Variants in POSTN observed in about 807,000 individuals in gnomAD.
POSTN encodes the protein osteoblast specific factor 2 (fasciclin I-like).
In POSTN, 71 loss-of-function variants were observed where a neutral mutation model predicts 104.5. The ratio of observed to expected loss-of-function variants is 0.68; its 90% CI spans 0.56 to 0.83. The LOEUF is 0.83. Among genes scored for constraint, POSTN ranks in the 40% least tolerant of loss-of-function variants. POSTN has a pLI of 0.00. For missense variants in POSTN, 949 were observed against 1,006.8 expected (o/e 0.94, Z 0.78); for synonymous variants, 355 against 340.7 (o/e 1.04, Z -0.46).
chr13:37,586,685 T>C (rs1593352425), intron 6 of POSTN, 97 bp downstream of exon 6: 1 of 1,244,980 alleles, frequency 8.0e-7, no homozygotes, highest in Non-Finnish European at 1.1e-6. Context: ...ATGTGTTACA[T>C]TTTTGCCAGA....
intron 15 of POSTN, among the ~76,000 whole-genome samples, 181 bp downstream of exon 15, chr13:37,578,663 G>A (rs953889044): frequency 1.3e-5 from 2 of 151,802 alleles, no homozygotes; most frequent in Non-Finnish European, 2.9e-5. Context: ...GCTGGGTGTG[G>A]TGGTGGGCGC....
chr13:37,580,376 A>G (rs901520228), intron 11 of POSTN, among the ~76,000 whole-genome samples, 185 bp downstream of exon 11: 2 of 152,256 alleles, frequency 1.3e-5, no homozygotes, highest in African/African-American at 4.8e-5. Context: ...ATGAAATCAT[A>G]TAACGGTGTA....
At chr13:37,577,640 G>A (rs890631882) in intron 16 of POSTN, 113 bp downstream of exon 16, 4 of 1,423,428 alleles carry the variant, frequency 2.8e-6, no homozygotes, top group Non-Finnish European at 2.8e-6. Flanking sequence ...ATTGGCCATA[G>A]TTTGGAATTC....
At chr13:37,564,376 T>G in intron 22 of POSTN, 143 bp downstream of exon 22, 1 of 556,376 alleles carries the variant, frequency 1.8e-6, no homozygotes. Context: ...TTATCAAAAT[T>G]GTTTTCATCA....
chr13:37,575,315 G>C (rs180673139), intron 16 of POSTN, among the ~76,000 whole-genome samples: 5 of 149,094 alleles, frequency 3.4e-5, no homozygotes, highest in Non-Finnish European at 7.4e-5. Context: ...TATTTTAAAC[G>C]TGTGTCGTCT....
At chr13:37,579,808 G>T in intron 12 of POSTN, 53 bp downstream of exon 12, 3 of 1,572,564 alleles carry the variant, frequency 1.9e-6, no homozygotes, top group Non-Finnish European at 2.6e-6. Flanking sequence ...GCTTGAGAAA[G>T]AAGTGAGATC....
Position 37,563,261 on chromosome 13 carries a change from G to T in POSTN, c.*72C>A. The T allele has an allele frequency of 6.1e-6, 6 of 980,986 alleles. No individual in the cohort carries two copies. Among genetic ancestry groups the T allele is most frequent in the Non-Finnish European group, 9.2e-6 (6 of 650,012 alleles). 60.8% of individuals were successfully genotyped at this position (980,986 alleles called of 1,614,324 possible). A position where few individuals can be genotyped will look rare whatever the true frequency, so the allele number is the denominator to read the frequency against. ...TGTTTCAGTTCCTGAAGTCAACTTG[G>T]CTCTCACAATTTTCTAAGGTCAGGT... On this transcript the variant is annotated 3_prime_UTR_variant, in exon 23 of 23. Coordinates refer to ENST00000379747, the MANE Select transcript of POSTN (RefSeq NM_006475.3).
intron 9 of POSTN, among the ~76,000 whole-genome samples, chr13:37,583,164 T>C (rs1950646241): frequency 1.3e-5 from 2 of 152,154 alleles, no homozygotes; most frequent in African/African-American, 2.4e-5. Flanking sequence ...AATCTGAACA[T>C]GGTCTGTGAA....
In POSTN at chr13:37,592,599, A is replaced by AT. The variant is rs568432843; in HGVS notation, c.219-436dup. 1.2e-4 allele frequency among the ~76,000 whole-genome samples: 19 copies of AT among 152,002 alleles called. No individual in the cohort carries two copies. The South Asian group carries it at 3.9e-3, about 32-fold the overall frequency. On this transcript the variant is annotated intron_variant, in intron 2 of 22. Transcript: ENST00000379747. ...AGGCATGAGCCACTGCGCCCGGCCG[A>AT]TTTTTTCTATATTTCTATGAGTTTG...
chr13:37,591,460 T>G (rs931143079), intron 3 of POSTN, among the ~76,000 whole-genome samples: 4 of 152,152 alleles, frequency 2.6e-5, no homozygotes, highest in African/African-American at 7.2e-5. Flanking sequence ...TAAATATCAG[T>G]CTAGGTTTGT....
At position 37,577,805 on chromosome 13, in the gene POSTN, A is replaced by G; in HGVS notation, c.1963-7T>C. The G allele has an allele frequency of 6.2e-7, 1 of 1,613,536 alleles. No individual in the cohort carries two copies. The highest frequency in any genetic ancestry group is 1.1e-5 in the South Asian group (1 of 91,028). On this transcript the variant is annotated splice_polypyrimidine_tract_variant and splice_region_variant and intron_variant, in intron 15 of 22. Transcript: ENST00000379747. Reference sequence around the variant, plus strand: ...AGGTGCTACCACGAACAAACTGAAAATAAATGTTTATATTTAGTAACATGA... The same window carrying G: ...AGGTGCTACCACGAACAAACTGAAAGTAAATGTTTATATTTAGTAACATGA...
At chr13:37,586,645 A>G in intron 6 of POSTN, 137 bp downstream of exon 6, 3 of 793,004 alleles carry the variant, frequency 3.8e-6, no homozygotes, top group Non-Finnish European at 5.9e-6. Context: ...TCTTCTGTGT[A>G]AAATGAAAAT....
intron 21 of POSTN, among the ~76,000 whole-genome samples, chr13:37,567,225 G>A (rs1193768029): frequency 5.3e-5 from 1 of 18,722 alleles, no homozygotes; most frequent in Non-Finnish European, 9.3e-5. Context: ...GACAGAGCGA[G>A]ACTCCGTCTC....
Position 37,569,829 on chromosome 13 carries a change from A to G in POSTN, c.2270-8T>C, listed in dbSNP as rs935017516. The G allele has an allele frequency of 7.5e-5, 119 of 1,577,136 alleles. No homozygotes were observed. The highest frequency in any genetic ancestry group is 1.0e-4 in the Non-Finnish European group (116 of 1,150,936). On this transcript the variant is annotated splice_polypyrimidine_tract_variant and splice_region_variant and intron_variant, in intron 19 of 22. Coordinates refer to ENST00000379747, the MANE Select transcript of POSTN (RefSeq NM_006475.3). ...TGTATTTTATTTCAGGACCTATGAG[A>G]AGGACAATGAAAAAGGTCTAAAACA...
intron 17 of POSTN, among the ~76,000 whole-genome samples, chr13:37,573,127 A>G (rs1950303188): frequency 6.6e-6 from 1 of 151,600 alleles, no homozygotes; most frequent in African/African-American, 2.4e-5. Context: ...AAGGAGAAGA[A>G]TCTTTGAAAA....
intron 11 of POSTN, 48 bp from the exon 12 acceptor site, chr13:37,580,039 A>G (rs1408004176): frequency 6.4e-7 from 1 of 1,553,228 alleles, no homozygotes; most frequent in Non-Finnish European, 8.9e-7. Flanking sequence ...AGATTTAGGT[A>G]TGTTCACCTA....
At chr13:37,568,004 T>C (rs1950164744) in intron 21 of POSTN, among the ~76,000 whole-genome samples, 1 of 77,398 alleles carries the variant, frequency 1.3e-5, no homozygotes, top group East Asian at 5.8e-4. Context: ...TGGCAAGGAC[T>C]GAAAGAAAAA....
intron 2 of POSTN, 123 bp from the exon 3 acceptor site, chr13:37,592,287 T>TC: frequency 1.5e-6 from 1 of 683,242 alleles, no homozygotes; most frequent in Non-Finnish European, 2.4e-6. Flanking sequence ...TCAGGTTTTT[T>TC]TTCCCCCCTG....
chr13:37,573,004 A>G (rs972652373), intron 17 of POSTN, among the ~76,000 whole-genome samples: 1 of 151,574 alleles, frequency 6.6e-6, no homozygotes, highest in African/African-American at 2.4e-5. Context: ...CTTTATAAGA[A>G]GAAGCCATGT....
Sources: gnomAD v4.1 joint callset for allele counts (sites outside exome capture counted in the v4.1 genomes callset) on GRCh38, gnomAD v4.1.1 for gene constraint, MANE v1.5 for transcripts, NCBI Gene and HGNC (gene_info 2026-07-23, HGNC 2026-07-21) for gene names.